The following CENPW variants were observed in gnomAD, a reference collection of about 807,000 sequenced individuals.
CENPW encodes the protein centromere protein W, also known as cancer-up-regulated gene 2 protein.
A neutral mutation model predicts 11.1 loss-of-function variants in CENPW; 3 were observed. The observed-to-expected ratio is 0.27, with a 90% confidence interval of 0.12 to 0.70. CENPW has a LOEUF of 0.70. Among genes scored for constraint, CENPW ranks in the 30% least tolerant of loss-of-function variants. The pLI, the probability that CENPW is intolerant of heterozygous loss-of-function variation, is 0.77. For missense variants in CENPW, 100 were observed against 105.6 expected (o/e 0.95, Z 0.23); for synonymous variants, 38 against 42.0 (o/e 0.91, Z 0.37).
At chr6:126,466,053 G>A in the CENPW span, among the ~76,000 whole-genome samples, 1 of 152,094 alleles carries the variant, frequency 6.6e-6, no homozygotes, top group African/African-American at 2.4e-5. Flanking sequence ...AACAGAGGAT[G>A]TTTAAAGATG....
At chr6:126,374,275 T>G in the CENPW span, among the ~76,000 whole-genome samples, 1 of 152,210 alleles carries the variant, frequency 6.6e-6, no homozygotes, top group South Asian at 2.1e-4. Context: ...AGGAAATAGA[T>G]TTTTTTAAAG....
chr6:126,418,038 C>T, the CENPW span, among the ~76,000 whole-genome samples: 7 of 152,060 alleles, frequency 4.6e-5, no homozygotes, highest in African/African-American at 1.7e-4. Context: ...ACAAATAAAA[C>T]TTTGGGATAC....
chr6:126,411,966 C>T, the CENPW span, among the ~76,000 whole-genome samples: 1 of 117,682 alleles, frequency 8.5e-6, no homozygotes, highest in Non-Finnish European at 1.8e-5. Flanking sequence ...CCCTCTCTCT[C>T]TCCTTTCTCT....
At chr6:126,355,562 A>G in the CENPW span, among the ~76,000 whole-genome samples, 857 of 152,116 alleles carry the variant, frequency 5.6e-3, 12 homozygotes, top group African/African-American at 0.019. Flanking sequence ...GTAGACATGT[A>G]TCTTGTTCTT....
At chr6:126,416,621 C>G in the CENPW span, among the ~76,000 whole-genome samples, 1 of 152,096 alleles carries the variant, frequency 6.6e-6, no homozygotes, top group African/African-American at 2.4e-5. Context: ...CCCTGTGTCC[C>G]AGCTGCTCCA....
the CENPW span, among the ~76,000 whole-genome samples, chr6:126,420,994 G>A: frequency 4.6e-5 from 7 of 152,194 alleles, no homozygotes; most frequent in Non-Finnish European, 8.8e-5. Context: ...AATTGAGAAG[G>A]TAGTCATTCT....
At chr6:126,455,141 A>G in the CENPW span, among the ~76,000 whole-genome samples, 1 of 151,578 alleles carries the variant, frequency 6.6e-6, no homozygotes, top group Non-Finnish European at 1.5e-5. Context: ...TAGTGGATGT[A>G]TAAACAAAAG....
At chr6:126,383,517 C>T in the CENPW span, among the ~76,000 whole-genome samples, 4 of 151,974 alleles carry the variant, frequency 2.6e-5, no homozygotes, top group Non-Finnish European at 5.9e-5. Flanking sequence ...GGGATGCTGT[C>T]TTTAAGAGAC....
At chr6:126,407,059 A>T in the CENPW span, among the ~76,000 whole-genome samples, 3 of 152,100 alleles carry the variant, frequency 2.0e-5, no homozygotes, top group Non-Finnish European at 4.4e-5. Context: ...CCCATCATCC[A>T]TTAGCTATTC....
intron 1 of CENPW, among the ~76,000 whole-genome samples, chr6:126,345,737 A>G (rs932480333): frequency 1.7e-4 from 26 of 152,188 alleles, no homozygotes; most frequent in African/African-American, 6.3e-4. Flanking sequence ...AACTATTAAC[A>G]TGTTTTTTAA....
chr6:126,356,386 G>A, the CENPW span, among the ~76,000 whole-genome samples: 5 of 152,130 alleles, frequency 3.3e-5, no homozygotes, highest in African/African-American at 9.7e-5. Context: ...AGATGAAGAC[G>A]GTAATGATTT....
chr6:126,467,789 G>A, the CENPW span, among the ~76,000 whole-genome samples: 3 of 152,000 alleles, frequency 2.0e-5, no homozygotes, highest in South Asian at 2.1e-4. Flanking sequence ...GTATAAAAAG[G>A]GGCAAAAATG....
At chr6:126,367,136 G>A in the CENPW span, among the ~76,000 whole-genome samples, 1 of 151,888 alleles carries the variant, frequency 6.6e-6, no homozygotes, top group Admixed American at 6.6e-5. Context: ...TTTACCAGTG[G>A]AAAATTTTAA....
the CENPW span, among the ~76,000 whole-genome samples, chr6:126,449,789 T>C: frequency 6.6e-6 from 1 of 151,146 alleles, no homozygotes; most frequent in Admixed American, 6.6e-5. Flanking sequence ...GCTCACAACA[T>C]AGGGAATAGT....
chr6:126,382,438 G>A, the CENPW span, among the ~76,000 whole-genome samples: 2 of 152,054 alleles, frequency 1.3e-5, no homozygotes, highest in African/African-American at 4.8e-5. Flanking sequence ...GTTCTTAACT[G>A]GGCTGAGATG....
the CENPW span, among the ~76,000 whole-genome samples, chr6:126,442,028 A>G: frequency 1.3e-5 from 2 of 151,618 alleles, no homozygotes; most frequent in African/African-American, 2.4e-5. Context: ...GAATCTCCAC[A>G]CTGTTTTCCA....
the CENPW span, among the ~76,000 whole-genome samples, chr6:126,377,916 A>G: frequency 6.6e-6 from 1 of 152,184 alleles, no homozygotes; most frequent in Admixed American, 6.5e-5. Flanking sequence ...GGGAGCACAT[A>G]ACCCCATAAT....
the CENPW span, among the ~76,000 whole-genome samples, chr6:126,424,821 G>C: frequency 1.3e-5 from 2 of 151,994 alleles, no homozygotes; most frequent in African/African-American, 4.8e-5. Flanking sequence ...ATCAGAGTCT[G>C]CAGCCCTCAT....
At chr6:126,405,438 G>C in the CENPW span, among the ~76,000 whole-genome samples, 1 of 152,044 alleles carries the variant, frequency 6.6e-6, no homozygotes, top group Non-Finnish European at 1.5e-5. Flanking sequence ...ACAGTAGTGT[G>C]ATGCCTCCAG....
Sources: gnomAD v4.1 joint callset for allele counts (sites outside exome capture counted in the v4.1 genomes callset) on GRCh38, gnomAD v4.1.1 for gene constraint, MANE v1.5 for transcripts, NCBI Gene and HGNC (gene_info 2026-07-23, HGNC 2026-07-21) for gene names.